The following ZCCHC2 variants were observed in gnomAD, a reference collection of about 807,000 sequenced individuals.
ZCCHC2 encodes the protein zinc finger CCHC domain-containing protein 2.
In ZCCHC2, 39 loss-of-function variants were observed where a neutral mutation model predicts 103.6. The ratio of observed to expected loss-of-function variants is 0.38; its 90% confidence interval spans 0.29 to 0.49. The LOEUF is 0.49. ZCCHC2 is among the 20% of genes least tolerant of loss of function. The pLI is 0.96. For missense variants in ZCCHC2, 1,483 were observed against 1,491.0 expected (o/e 0.99, Z 0.09); for synonymous variants, 687 against 608.9 (o/e 1.13, Z -1.89).
chr18:62,554,386 G>A (rs1341283385), intron 5 of ZCCHC2, among the ~76,000 whole-genome samples: 2 of 152,210 alleles, frequency 1.3e-5, no homozygotes, highest in Non-Finnish European at 2.9e-5. Context: ...GGCCTGAAAT[G>A]TGCATTTGGG....
chr18:62,586,637 G>A (rs547727146), exon 15 of ZCCHC2: 1 of 152,138 alleles, frequency 6.6e-6, no homozygotes, highest in East Asian at 1.9e-4. Context: ...TCTTTAAATG[G>A]TTGAAAAAGG....
chr18:62,560,527 C>A, intron 7 of ZCCHC2, 60 bp from the exon 8 acceptor site: 1 of 1,372,776 alleles, frequency 7.3e-7, no homozygotes, highest in Non-Finnish European at 1.0e-6. Context: ...CTAGTAGCAT[C>A]CTACTGTTGG....
intron 5 of ZCCHC2, among the ~76,000 whole-genome samples, chr18:62,553,492 C>CTG (rs1246184147): frequency 6.6e-6 from 1 of 151,788 alleles, no homozygotes; most frequent in African/African-American, 2.4e-5. Flanking sequence ...GGACCTCGCT[C>CTG]TGTTGCCCAG....
At chr18:62,562,259 C>G (rs28634301) in intron 8 of ZCCHC2, among the ~76,000 whole-genome samples, 1 of 152,072 alleles carries the variant, frequency 6.6e-6, no homozygotes, top group African/African-American at 2.4e-5. Context: ...ACCTCAGCCT[C>G]CCAAAGTGCT....
Position 62,574,867 on chromosome 18 carries a change from C to G in ZCCHC2, c.2786C>G (p.Pro929Arg). The change falls in exon 13 of 14, where the codon CCC becomes CGC. Residue 929 changes from proline to arginine, a missense_variant. Physicochemically the swap from Pro to Arg is moderately radical, Grantham distance 103 (BLOSUM62 -2). Around this residue, in one of 3 missense-constraint regions of ZCCHC2, gnomAD observed 884 missense variants for 907.5 expected, o/e 0.97. Coordinates refer to ENST00000269499, the MANE Select transcript of ZCCHC2 (RefSeq NM_017742.6). ...PGSPLAAGVL[P>R]SQNSSVLSTA... ...TCTCCCCTTGCTGCCGGCGTGTTAC[C>G]CAGCCAGAACTCCAGTGTGCTCAGC... 6.2e-7 allele frequency: 1 copy of G among 1,613,898 alleles called. No homozygotes were observed. The highest frequency in any genetic ancestry group is 8.5e-7 in the Non-Finnish European group (1 of 1,179,898).
intron 5 of ZCCHC2, chr18:62,552,384 G>A (rs1915703021): frequency 6.6e-6 from 1 of 152,132 alleles, no homozygotes; most frequent in Non-Finnish European, 1.5e-5. Context: ...AGGAATAGAA[G>A]GTAAAAATTG....
downstream of ZCCHC2, among the ~76,000 whole-genome samples, chr18:62,579,549 G>T (rs895730444): frequency 8.5e-5 from 13 of 152,124 alleles, no homozygotes; most frequent in African/African-American, 3.1e-4. Context: ...TAAATTCCCT[G>T]ATTGTTTACA....
downstream of ZCCHC2, among the ~76,000 whole-genome samples, chr18:62,578,873 T>C (rs1481047549): frequency 6.6e-6 from 1 of 152,190 alleles, no homozygotes; most frequent in African/African-American, 2.4e-5. Flanking sequence ...ATTCAAGCGA[T>C]TCTCCTGCCT....
chr18:62,586,519 G>A (rs1917174179), exon 15 of ZCCHC2: 1 of 151,792 alleles, frequency 6.6e-6, no homozygotes, highest in South Asian at 2.1e-4. Context: ...AAAAAATAAA[G>A]CTGTATGACT....
intron 11 of ZCCHC2, among the ~76,000 whole-genome samples, chr18:62,568,721 T>G (rs144341152): frequency 1.3e-5 from 2 of 152,260 alleles, no homozygotes; most frequent in African/African-American, 4.8e-5. Flanking sequence ...AGTCCATTTC[T>G]AGTTTGAGAA....
intron 1 of ZCCHC2, among the ~76,000 whole-genome samples, chr18:62,537,324 T>C (rs572008678): frequency 1.1e-3 from 161 of 151,958 alleles, no homozygotes; most frequent in African/African-American, 3.7e-3. Flanking sequence ...TACCACCACT[T>C]CTGGCTAACA....
At chr18:62,552,333 G>A (rs1233796346) in intron 5 of ZCCHC2, 2 of 152,194 alleles carry the variant, frequency 1.3e-5, no homozygotes, top group Non-Finnish European at 2.9e-5. Context: ...GATATGAAAA[G>A]GACATTTTGG....
intron 1 of ZCCHC2, among the ~76,000 whole-genome samples, chr18:62,531,260 G>A (rs1483811013): frequency 6.6e-6 from 1 of 152,114 alleles, no homozygotes; most frequent in African/African-American, 2.4e-5. Flanking sequence ...AATCTAAAAA[G>A]GAAGTGCCTA....
At chr18:62,539,239 G>A (rs141972670) in intron 1 of ZCCHC2, among the ~76,000 whole-genome samples, 210 of 152,286 alleles carry the variant, frequency 1.4e-3, no homozygotes, top group Non-Finnish European at 2.7e-3. Flanking sequence ...TCCTTGGCAT[G>A]TATTGATGAT....
chr18:62,526,911 A>T (rs1268089463), intron 1 of ZCCHC2: 1 of 146,964 alleles, frequency 6.8e-6, no homozygotes, highest in African/African-American at 2.5e-5. Context: ...CTAGCGCCGG[A>T]GACTTCCAGG....
In ZCCHC2 at chr18:62,578,148, T is replaced by A. The variant is rs1916930669; in HGVS notation, c.*1569T>A. 2.6e-5 allele frequency: 4 copies of A among 152,378 alleles called. No individual in the cohort carries two copies. The highest frequency in any genetic ancestry group is 4.1e-4 in the South Asian group (2 of 4,824). The allele number at this position is 152,378 out of a possible 1,614,324, so 9.4% of individuals were successfully genotyped here. A position where few individuals can be genotyped will look rare whatever the true frequency, so the allele number is the denominator to read the frequency against. ...AGCACCAATGTACATTTTGAAACTT[T>A]CTTTCAGGGGTGGGAGTTATGGGGA... is the stretch of plus-strand genomic sequence containing the variant. On this transcript the variant is annotated 3_prime_UTR_variant, in exon 14 of 14. Coordinates refer to ENST00000269499, the MANE Select transcript of ZCCHC2 (RefSeq NM_017742.6).
At chr18:62,571,361 C>T (rs1344888847) in intron 12 of ZCCHC2, among the ~76,000 whole-genome samples, 1 of 152,118 alleles carries the variant, frequency 6.6e-6, no homozygotes, top group Non-Finnish European at 1.5e-5. Context: ...TACAGGGCTA[C>T]TTTAGAGCTG....
intron 1 of ZCCHC2, among the ~76,000 whole-genome samples, chr18:62,530,977 A>G (rs890336737): frequency 6.6e-6 from 1 of 151,926 alleles, no homozygotes; most frequent in Non-Finnish European, 1.5e-5. Flanking sequence ...AATTAAGAAC[A>G]TTTTTTTACT....
At chr18:62,550,807 G>A (rs1915630930) in intron 5 of ZCCHC2, among the ~76,000 whole-genome samples, 1 of 152,220 alleles carries the variant, frequency 6.6e-6, no homozygotes, top group Admixed American at 6.5e-5. Flanking sequence ...GTTGTCAAGT[G>A]CCTGGGCTGG....
Sources: gnomAD v4.1 joint callset for allele counts (sites outside exome capture counted in the v4.1 genomes callset) on GRCh38, gnomAD v4.1.1 for gene constraint, gnomAD v4.1.1 regional missense constraint, MANE v1.5 for transcripts, NCBI Gene and HGNC (gene_info 2026-07-23, HGNC 2026-07-21) for gene names.